Variants in AMTN observed in about 807,000 individuals in gnomAD.
The protein encoded by AMTN is RSTI689.
A neutral mutation model predicts 27.4 loss-of-function variants in AMTN; 29 were observed. That is an observed-to-expected ratio of 1.06 (90% CI 0.79 to 1.44). The LOEUF is 1.44. Ranked by LOEUF, AMTN falls within the 40% of genes most tolerant of loss-of-function variation. The pLI, the probability that AMTN is intolerant of heterozygous loss-of-function variation, is 0.00. For synonymous variants in AMTN, 86 were observed against 95.7 expected (o/e 0.90, Z 0.59); for missense variants, 247 against 248.8 (o/e 0.99, Z 0.05).
At chr4:70,531,445 A>G in intron 8 of AMTN, 145 bp downstream of exon 8, 1 of 1,042,146 alleles carries the variant, frequency 9.6e-7, no homozygotes, top group South Asian at 1.7e-5. Flanking sequence ...TAACTCCAGC[A>G]ACATGAGGGA....
In AMTN at chr4:70,532,444, T is replaced by A; in HGVS notation, c.620-11T>A. 1 of 1,599,762 alleles carries A rather than the reference T, an allele frequency of 6.3e-7. No homozygotes were observed. Among genetic ancestry groups the A allele is most frequent in the Non-Finnish European group, 8.5e-7 (1 of 1,171,286 alleles). Reference sequence around the variant, plus strand: ...TTACCTACATTTAAAAGGTGTTTTATTTTCTTCCAGGAATTCAGTAAGCTG... The same window carrying A: ...TTACCTACATTTAAAAGGTGTTTTAATTTCTTCCAGGAATTCAGTAAGCTG... On this transcript the variant is annotated splice_polypyrimidine_tract_variant and intron_variant, in intron 8 of 8. Transcript: ENST00000339336.
chr4:70,521,897 C>G (rs983637283), intron 2 of AMTN, among the ~76,000 whole-genome samples: 2 of 151,940 alleles, frequency 1.3e-5, no homozygotes, highest in Non-Finnish European at 2.9e-5. Context: ...TGGGATTACA[C>G]GGTGGCATGA....
Position 70,531,876 on chromosome 4 carries a change from G to A in AMTN, c.619+576G>A, listed in dbSNP as rs140821523. Among the ~76,000 whole-genome samples the A allele has an allele frequency of 7.2e-3, 1,098 of 152,156 alleles. 13 individuals carry two copies. Among genetic ancestry groups the A allele is most frequent in the African/African-American group, 0.025 (1,042 of 41,494 alleles). On this transcript the variant is annotated intron_variant, in intron 8 of 8. Transcript: ENST00000339336. ...TTGCCATGTTGCCCAGGCTGGTCTAGAACTCCTGGCCTCAAGCAATCTGCC... is the reference window on the plus strand; with the variant it reads ...TTGCCATGTTGCCCAGGCTGGTCTAAAACTCCTGGCCTCAAGCAATCTGCC...
Position 70,531,182 on chromosome 4 carries a change from C to G in AMTN, c.501C>G (p.Thr167=). 1 of 1,613,964 alleles carries G rather than the reference C, an allele frequency of 6.2e-7. No homozygotes were observed. The highest frequency in any genetic ancestry group is 8.5e-7 in the Non-Finnish European group (1 of 1,179,990). Reference sequence around the variant, plus strand: ...GTGTAAATCCTGCCACCCAGGGAACCCCAGCAGGCCGCCTCCCAACTCCCA... The same window carrying G: ...GTGTAAATCCTGCCACCCAGGGAACGCCAGCAGGCCGCCTCCCAACTCCCA... ...GAGVNPATQG[T]PAGRLPTPSG... is the part of the protein sequence containing the mutation. Residue 167 remains threonine (T), a synonymous_variant, in exon 8 of 9, where the codon ACC becomes ACG. Coordinates refer to ENST00000339336, the MANE Select transcript of AMTN (RefSeq NM_212557.4).
intron 6 of AMTN, 114 bp from the exon 7 acceptor site, chr4:70,529,070 G>A: frequency 2.0e-6 from 2 of 1,022,174 alleles, no homozygotes; most frequent in East Asian, 2.9e-5. Flanking sequence ...TATTGGAAAG[G>A]CAAAATCTGT....
At chr4:70,525,575 T>G (rs1280395059) in intron 5 of AMTN, among the ~76,000 whole-genome samples, 1 of 152,158 alleles carries the variant, frequency 6.6e-6, no homozygotes, top group Non-Finnish European at 1.5e-5. Flanking sequence ...AATTTTTACC[T>G]TATCGAAACT....
In AMTN at chr4:70,532,419, T is replaced by C. The variant is rs1736244935; in HGVS notation, c.620-36T>C. On this transcript the variant is annotated intron_variant, in intron 8 of 8. Coordinates refer to ENST00000339336, the MANE Select transcript of AMTN (RefSeq NM_212557.4). ...AAGATATTTATGTTAAATATACTTT[T>C]TACCTACATTTAAAAGGTGTTTTAT... 9 of 1,531,500 alleles carry C rather than the reference T, an allele frequency of 5.9e-6. No homozygotes were observed. In the East Asian group the frequency reaches 1.6e-4, roughly 27 times the overall value. 94.9% of individuals were successfully genotyped at this position (1,531,500 alleles called of 1,614,324 possible).
intron 3 of AMTN, 78 bp from the exon 4 acceptor site, chr4:70,523,790 C>T (rs1370426156): frequency 1.6e-6 from 2 of 1,261,738 alleles, no homozygotes; most frequent in African/African-American, 1.5e-5. Flanking sequence ...CTGTCAATTA[C>T]ATGAGGATAT....
chr4:70,520,140 A>T (rs1034533150), intron 2 of AMTN, among the ~76,000 whole-genome samples: 1 of 152,232 alleles, frequency 6.6e-6, no homozygotes, highest in Admixed American at 6.5e-5. Flanking sequence ...AAAACTTTCC[A>T]GGAGTGCAGC....
intron 6 of AMTN, 62 bp from the exon 7 acceptor site, chr4:70,529,122 A>G (rs1736159530): frequency 1.5e-6 from 2 of 1,350,142 alleles, no homozygotes; most frequent in Admixed American, 5.5e-5. Context: ...GATATTATAC[A>G]TATATTACTA....
chr4:70,530,381 G>A (rs145941814), intron 7 of AMTN, among the ~76,000 whole-genome samples: 2 of 152,062 alleles, frequency 1.3e-5, no homozygotes, highest in South Asian at 2.1e-4. Flanking sequence ...GTTTGAAAAC[G>A]TCTGTACTCT....
intron 3 of AMTN, 62 bp from the exon 4 acceptor site, chr4:70,523,806 A>G: frequency 1.4e-6 from 2 of 1,404,680 alleles, no homozygotes; most frequent in Non-Finnish European, 2.0e-6. Flanking sequence ...GATATCCACC[A>G]CTGACAGAGT....
intron 5 of AMTN, among the ~76,000 whole-genome samples, chr4:70,526,770 T>C (rs1346448800): frequency 6.6e-6 from 1 of 152,080 alleles, no homozygotes; most frequent in African/African-American, 2.4e-5. Context: ...TTACAAAAGT[T>C]TCAGTACAGA....
intron 5 of AMTN, among the ~76,000 whole-genome samples, chr4:70,526,096 A>G (rs1736094646): frequency 6.6e-6 from 1 of 152,186 alleles, no homozygotes; most frequent in South Asian, 2.1e-4. Context: ...AGAATTTAGG[A>G]AATGTAAATT....
intron 8 of AMTN, among the ~76,000 whole-genome samples, chr4:70,531,970 T>C (rs1736235216): frequency 6.6e-6 from 1 of 152,334 alleles, no homozygotes; most frequent in Admixed American, 6.5e-5. Flanking sequence ...AGATTTTTAA[T>C]TGTTGGCATA....
At chr4:70,528,910 GT>G in intron 6 of AMTN, 152 bp downstream of exon 6, 1 of 715,014 alleles carries the variant, frequency 1.4e-6, no homozygotes. Flanking sequence ...TTCTGCATAA[GT>G]TTTCTTCAAT....
chr4:70,526,359 A>C (rs1270916543), intron 5 of AMTN, among the ~76,000 whole-genome samples: 1 of 152,148 alleles, frequency 6.6e-6, no homozygotes. Flanking sequence ...TTAGTAGTCC[A>C]TGGTATACTA....
rs150333364 is a variant in AMTN at position 70,530,203 on chromosome 4, C to T, written c.358-836C>T. The stretch of plus-strand genomic sequence containing the variant: ...TTAACACAACTCACAATAGCAACTA[C>T]ATTTTTCATGCAGCTTAGCACACAC... On this transcript the variant is annotated intron_variant, in intron 7 of 8. Transcript: ENST00000339336. Among the ~76,000 whole-genome samples the T allele has an allele frequency of 3.1e-3, 452 of 143,912 alleles. 6 individuals are homozygous for T. Among genetic ancestry groups the T allele is most frequent in the Admixed American group, 7.4e-3 (102 of 13,734 alleles). The allele number at this position is 143,912 out of a possible 152,430, so 94.4% of individuals were successfully genotyped here.
chr4:70,524,072 A>G, intron 4 of AMTN, 139 bp downstream of exon 4: 1 of 649,816 alleles, frequency 1.5e-6, no homozygotes, highest in Non-Finnish European at 2.5e-6. Context: ...AGATAAGTTG[A>G]AAGAGAGGAG....
Sources: gnomAD v4.1 joint callset for allele counts (sites outside exome capture counted in the v4.1 genomes callset) on GRCh38, gnomAD v4.1.1 for gene constraint, MANE v1.5 for transcripts, NCBI Gene and HGNC (gene_info 2026-07-23, HGNC 2026-07-21) for gene names.